The following CERS6 variants were observed in gnomAD, a reference collection of about 807,000 sequenced individuals.
The protein encoded by CERS6 is ceramide synthase 6, also known as LAG1 homolog, ceramide synthase 6.
Under a neutral mutation model 56.8 loss-of-function variants are expected in CERS6, and 26 were observed. The observed-to-expected ratio is 0.46, with a 90% CI of 0.34 to 0.63. The LOEUF (loss-of-function observed/expected upper bound fraction) is 0.63, where lower values mean the gene tolerates loss of function less well. CERS6 is among the 30% of genes least tolerant of loss of function. CERS6 has a pLI of 0.01. For missense variants in CERS6, 415 were observed against 467.5 expected (o/e 0.89, Z 1.04); for synonymous variants, 164 against 173.3 (o/e 0.95, Z 0.42).
chr2:168,705,417 A>G (rs1307081572), intron 6 of CERS6, among the ~76,000 whole-genome samples: 1 of 152,208 alleles, frequency 6.6e-6, no homozygotes, highest in African/African-American at 2.4e-5. Context: ...AGGTCTGCAT[A>G]GAGACAAGAA....
chr2:168,485,508 T>A (rs1431389542), intron 1 of CERS6, among the ~76,000 whole-genome samples: 1 of 152,094 alleles, frequency 6.6e-6, no homozygotes, highest in African/African-American at 2.4e-5. Flanking sequence ...CCTTTATGCC[T>A]CCCCCCACAC....
At chr2:168,742,320 T>G (rs182955665) in intron 8 of CERS6, among the ~76,000 whole-genome samples, 2 of 152,148 alleles carry the variant, frequency 1.3e-5, no homozygotes, top group Admixed American at 1.3e-4. Context: ...AATACAATTA[T>G]CATGGAACAG....
chr2:168,757,804 A>T (rs1223337810), intron 8 of CERS6, among the ~76,000 whole-genome samples: 2 of 152,198 alleles, frequency 1.3e-5, no homozygotes, highest in African/African-American at 4.8e-5. Context: ...GCCGCAAGCT[A>T]CCCAGAAGCT....
chr2:168,622,464 C>CGT (rs1684495583), intron 3 of CERS6, among the ~76,000 whole-genome samples: 1 of 151,594 alleles, frequency 6.6e-6, no homozygotes, highest in African/African-American at 2.4e-5. Flanking sequence ...GTGTTTAAAA[C>CGT]ACTACATATA....
chr2:168,571,433 G>T (rs752195980), intron 3 of CERS6, among the ~76,000 whole-genome samples: 2 of 152,098 alleles, frequency 1.3e-5, no homozygotes, highest in African/African-American at 2.4e-5. Flanking sequence ...GAATGTAAGG[G>T]TGAAGGAGTT....
At chr2:168,662,624 C>T (rs12053367) in intron 4 of CERS6, among the ~76,000 whole-genome samples, 2 of 152,068 alleles carry the variant, frequency 1.3e-5, no homozygotes, top group Non-Finnish European at 2.9e-5. Flanking sequence ...CCAGCTACTT[C>T]GGGAGGCTGA....
chr2:168,541,445 T>C (rs1695368023), intron 1 of CERS6, among the ~76,000 whole-genome samples: 1 of 152,220 alleles, frequency 6.6e-6, no homozygotes, highest in South Asian at 2.1e-4. Context: ...GTTCTACAAG[T>C]CTTCAAAGTC....
chr2:168,767,531 A>T (rs1451761805), intron 9 of CERS6, among the ~76,000 whole-genome samples: 2 of 152,178 alleles, frequency 1.3e-5, no homozygotes, highest in Non-Finnish European at 2.9e-5. Context: ...TTAGTATTTA[A>T]ATCTTTTTGG....
At chr2:168,703,620 C>G (rs1686860014) in intron 6 of CERS6, among the ~76,000 whole-genome samples, 1 of 152,086 alleles carries the variant, frequency 6.6e-6, no homozygotes, top group African/African-American at 2.4e-5. Context: ...ATCAGCATAT[C>G]CTTTCTTTGC....
At chr2:168,488,850 A>G (rs1558968930) in intron 1 of CERS6, among the ~76,000 whole-genome samples, 1 of 152,182 alleles carries the variant, frequency 6.6e-6, no homozygotes, top group African/African-American at 2.4e-5. Flanking sequence ...ATCCTTCCCC[A>G]CTTACCTGTA....
chr2:168,568,147 G>C (rs534431019), intron 3 of CERS6, among the ~76,000 whole-genome samples: 1 of 152,262 alleles, frequency 6.6e-6, no homozygotes, highest in South Asian at 2.1e-4. Context: ...GCCATACCTT[G>C]GTCAGGCTGG....
intron 1 of CERS6, among the ~76,000 whole-genome samples, chr2:168,496,337 GA>G (rs1455493771): frequency 1.3e-5 from 2 of 150,482 alleles, no homozygotes; most frequent in African/African-American, 4.9e-5. Context: ...TGGAAGTCAT[GA>G]TTTTTTTTTT....
intron 1 of CERS6, among the ~76,000 whole-genome samples, chr2:168,469,326 A>G (rs1693936921): frequency 6.6e-6 from 1 of 152,190 alleles, no homozygotes; most frequent in African/African-American, 2.4e-5. Context: ...TAATTTAACA[A>G]ACCTGCTCAT....
chr2:168,456,769 T>C lies in CERS6; in HGVS notation c.170+151T>C. 1.4e-6 allele frequency: 1 copy of C among 709,106 alleles called. No homozygotes were observed. The highest frequency in any genetic ancestry group is 2.3e-6 in the Non-Finnish European group (1 of 435,560). The allele number at this position is 709,106 out of a possible 1,614,324, so 43.9% of individuals were successfully genotyped here. A position where few individuals can be genotyped will look rare whatever the true frequency, so the allele number is the denominator to read the frequency against. ...TTCGGGGAGGGGTTGCTGACCCCCC[T>C]GCCCCGCTGGCTTTCTGGGAGCCAG... On this transcript the variant is annotated intron_variant, in intron 1 of 9. Coordinates refer to ENST00000305747, the MANE Select transcript of CERS6 (RefSeq NM_203463.3). This position sits in a 1 kb window ranked among gnomAD's most constrained non-coding sequence, Gnocchi z 4.1.
chr2:168,484,735 C>T (rs1694245178), intron 1 of CERS6, among the ~76,000 whole-genome samples: 1 of 151,962 alleles, frequency 6.6e-6, no homozygotes, highest in Non-Finnish European at 1.5e-5. Context: ...GCTTTAGTGT[C>T]TTTTTCATTC....
chr2:168,717,311 C>T (rs913557896), intron 7 of CERS6, among the ~76,000 whole-genome samples: 3 of 152,112 alleles, frequency 2.0e-5, no homozygotes, highest in African/African-American at 7.2e-5. Context: ...TTTCTAAGTT[C>T]ATGAGAGTAA....
chr2:168,564,031 T>A (rs1695839872), intron 3 of CERS6, among the ~76,000 whole-genome samples: 1 of 152,170 alleles, frequency 6.6e-6, no homozygotes. Flanking sequence ...CTCCTGCCTT[T>A]CCAAGGTCTT....
intron 3 of CERS6, among the ~76,000 whole-genome samples, chr2:168,620,165 A>G (rs779726757): frequency 5.3e-5 from 8 of 151,968 alleles, no homozygotes; most frequent in Non-Finnish European, 1.2e-4. Flanking sequence ...ATTCTAAGTG[A>G]AGTAACTCAG....
intron 3 of CERS6, among the ~76,000 whole-genome samples, chr2:168,602,348 G>A (rs1683954025): frequency 6.6e-6 from 1 of 152,198 alleles, no homozygotes; most frequent in African/African-American, 2.4e-5. Flanking sequence ...ATAGGACTCT[G>A]TCTATAATTT....
Sources: gnomAD v4.1 joint callset for allele counts (sites outside exome capture counted in the v4.1 genomes callset) on GRCh38, gnomAD v4.1.1 for gene constraint, Gnocchi (gnomAD v3.1) non-coding constraint, MANE v1.5 for transcripts, NCBI Gene and HGNC (gene_info 2026-07-23, HGNC 2026-07-21) for gene names.